Variants in HMGCLL1 observed in about 807,000 individuals in gnomAD.
HMGCLL1 encodes the protein 3-hydroxymethyl-3-methylglutaryl-CoA lyase, cytoplasmic.
A neutral mutation model predicts 39.1 loss-of-function variants in HMGCLL1; 36 were observed. The ratio of observed to expected loss-of-function variants is 0.92; its 90% CI spans 0.71 to 1.22. The LOEUF is 1.22. Among genes scored for constraint, HMGCLL1 ranks in the 50% most tolerant of loss-of-function variants. The pLI is 0.00. For missense variants in HMGCLL1, 451 were observed against 416.5 expected (o/e 1.08, Z -0.72); for synonymous variants, 149 against 144.0 (o/e 1.03, Z -0.25).
chr6:55,583,994 G>A (rs1032195644), upstream of HMGCLL1, among the ~76,000 whole-genome samples: 1 of 151,944 alleles, frequency 6.6e-6, no homozygotes, highest in Non-Finnish European at 1.5e-5. Flanking sequence ...GAGACCAATG[G>A]TTCATGTTCA....
chr6:55,641,227 AAAT>A, the HMGCLL1 span, among the ~76,000 whole-genome samples: 2 of 151,744 alleles, frequency 1.3e-5, no homozygotes, highest in African/African-American at 4.8e-5. Flanking sequence ...GAGGGGAAGC[AAAT>A]AATAAGGAAA....
At chr6:55,486,109 G>A (rs1293642845) in intron 7 of HMGCLL1, among the ~76,000 whole-genome samples, 1 of 148,864 alleles carries the variant, frequency 6.7e-6, no homozygotes, top group Non-Finnish European at 1.5e-5. Flanking sequence ...GTATGTGTGT[G>A]TGTGTATATA....
upstream of HMGCLL1, among the ~76,000 whole-genome samples, chr6:55,579,983 T>C (rs1340096801): frequency 6.6e-6 from 1 of 152,140 alleles, no homozygotes; most frequent in Non-Finnish European, 1.5e-5. Flanking sequence ...GTGGGTTCAG[T>C]GGTTTGCAGC....
At position 55,524,278 on chromosome 6, in the gene HMGCLL1, C is replaced by T. The variant is rs527728032; in HGVS notation, c.298-7675G>A. On this transcript the variant is annotated intron_variant, in intron 3 of 8. Coordinates refer to ENST00000274901, the MANE Select transcript of HMGCLL1 (RefSeq NM_001042406.2). ...TATAGTCACAAAATAAGAGAAAAAG[C>T]GTATTATGAATTAACCTCAGATGCT... is the stretch of plus-strand genomic sequence containing the variant. Among the ~76,000 whole-genome samples, 53 of 151,512 alleles carry T rather than the reference C, an allele frequency of 3.5e-4. 1 individual carries two copies. Among genetic ancestry groups the T allele is most frequent in the Admixed American group, 4.0e-4 (6 of 15,142 alleles).
At chr6:55,498,803 G>A (rs993730831) in intron 6 of HMGCLL1, among the ~76,000 whole-genome samples, 9 of 151,964 alleles carry the variant, frequency 5.9e-5, no homozygotes, top group Non-Finnish European at 1.3e-4. Flanking sequence ...AAAAGGACAA[G>A]AACACAAAAG....
At chr6:55,483,251 T>A (rs1765834862) in intron 7 of HMGCLL1, among the ~76,000 whole-genome samples, 1 of 152,086 alleles carries the variant, frequency 6.6e-6, no homozygotes, top group Non-Finnish European at 1.5e-5. Context: ...CACATAAAAA[T>A]GATCAAGAAG....
chr6:55,602,902 T>A, the HMGCLL1 span, among the ~76,000 whole-genome samples: 3 of 152,074 alleles, frequency 2.0e-5, no homozygotes, highest in Non-Finnish European at 4.4e-5. Context: ...AAACAATGGT[T>A]ATCATCTTAA....
chr6:55,676,539 G>A, the HMGCLL1 span, among the ~76,000 whole-genome samples: 2 of 152,148 alleles, frequency 1.3e-5, no homozygotes, highest in South Asian at 4.1e-4. Context: ...CTTCTCCATG[G>A]CCCTTTACCA....
At chr6:55,532,599 G>A (rs1366588469) in intron 3 of HMGCLL1, among the ~76,000 whole-genome samples, 5 of 151,812 alleles carry the variant, frequency 3.3e-5, no homozygotes, top group African/African-American at 4.8e-5. Context: ...TCAGGAGTTC[G>A]AGACCAGCCT....
At chr6:55,481,798 C>T (rs1765763326) in intron 7 of HMGCLL1, among the ~76,000 whole-genome samples, 1 of 111,720 alleles carries the variant, frequency 9.0e-6, no homozygotes, top group African/African-American at 2.6e-5. Context: ...ATCTATCTAT[C>T]TACCTACCTA....
In HMGCLL1 at chr6:55,579,035, C is replaced by T. The variant is rs777330545; in HGVS notation, c.21G>A (p.Ala7=). The T allele has an allele frequency of 2.5e-6, 4 of 1,612,206 alleles. No individual in the cohort carries two copies. The highest frequency in any genetic ancestry group is 1.7e-5 in the Admixed American group (1 of 59,938). MGNVPS[A]VKHCLSYQQL... The stretch of plus-strand genomic sequence containing the variant: ...GCTGGTAGCTGAGGCAGTGCTTCAC[C>T]GCGGATGGCACATTCCCCATGGCGG... The change falls in exon 1 of 9, where the codon GCG becomes GCA. Residue 7 remains alanine (A), a synonymous_variant. Transcript: ENST00000274901.
chr6:55,636,089 AC>A, the HMGCLL1 span, among the ~76,000 whole-genome samples: 19 of 152,264 alleles, frequency 1.2e-4, no homozygotes, highest in South Asian at 3.7e-3. Context: ...ATTTTAGGGT[AC>A]TTGTTTCATT....
At chr6:55,465,399 AGAT>A (rs1191242858) in intron 7 of HMGCLL1, among the ~76,000 whole-genome samples, 1 of 152,122 alleles carries the variant, frequency 6.6e-6, no homozygotes, top group Non-Finnish European at 1.5e-5. Context: ...TACATATTAT[AGAT>A]AATAAGTCAT....
chr6:55,669,996 A>T, the HMGCLL1 span, among the ~76,000 whole-genome samples: 8,355 of 151,920 alleles, frequency 0.055, 393 homozygotes, highest in Non-Finnish European at 0.077. Context: ...AGATTTAGGA[A>T]GTTAAATTAC....
chr6:55,462,603 C>T (rs186018762), intron 7 of HMGCLL1, among the ~76,000 whole-genome samples: 4 of 152,190 alleles, frequency 2.6e-5, no homozygotes, highest in African/African-American at 7.2e-5. Context: ...ATTATTTAAA[C>T]GTATCTAACC....
At chr6:55,608,587 C>T in the HMGCLL1 span, among the ~76,000 whole-genome samples, 1 of 152,144 alleles carries the variant, frequency 6.6e-6, no homozygotes, top group East Asian at 1.9e-4. Context: ...AAGCCTGACT[C>T]ATTATGATAA....
chr6:55,658,555 T>C, the HMGCLL1 span, among the ~76,000 whole-genome samples: 1 of 151,978 alleles, frequency 6.6e-6, no homozygotes, highest in African/African-American at 2.4e-5. Flanking sequence ...TACTGTATTA[T>C]GTATATATCT....
intron 1 of HMGCLL1, among the ~76,000 whole-genome samples, chr6:55,558,286 T>C (rs1046268189): frequency 6.6e-6 from 1 of 152,184 alleles, no homozygotes; most frequent in Admixed American, 6.5e-5. Context: ...ATGAGGGCCA[T>C]TAAATACTTG....
At chr6:55,461,626 A>T (rs1443893641) in intron 7 of HMGCLL1, among the ~76,000 whole-genome samples, 1 of 152,144 alleles carries the variant, frequency 6.6e-6, no homozygotes, top group African/African-American at 2.4e-5. Context: ...ATTTCATTTT[A>T]AATTAAAATC....
Sources: gnomAD v4.1 joint callset for allele counts (sites outside exome capture counted in the v4.1 genomes callset) on GRCh38, gnomAD v4.1.1 for gene constraint, MANE v1.5 for transcripts, NCBI Gene and HGNC (gene_info 2026-07-23, HGNC 2026-07-21) for gene names.